Variants in LHFPL5 observed in about 807,000 individuals in gnomAD.
LHFPL5 encodes the protein LHFPL tetraspan subfamily member 5.
A neutral mutation model predicts 18.7 loss-of-function variants in LHFPL5; 12 were observed. The observed-to-expected ratio is 0.64, with a 90% confidence interval of 0.41 to 1.04. The LOEUF (loss-of-function observed/expected upper bound fraction) is 1.04, where lower values mean the gene tolerates loss of function less well. Ranked by LOEUF, LHFPL5 falls within the 50% of genes least tolerant of loss-of-function variation. The pLI is 0.00. For missense variants in LHFPL5, 259 were observed against 292.1 expected, an observed-to-expected ratio of 0.89 and a Z score of 0.83; for synonymous variants, 111 against 120.2, an observed-to-expected ratio of 0.92 and a Z score of 0.50.
chr6:35,818,666 T>C (rs747301457), intron 2 of LHFPL5, among the ~76,000 whole-genome samples: 2 of 150,712 alleles, frequency 1.3e-5, no homozygotes, highest in East Asian at 3.9e-4. Flanking sequence ...TGAATTATAT[T>C]AATTAAAAAA....
chr6:35,808,574 T>C (rs935529940), intron 1 of LHFPL5, among the ~76,000 whole-genome samples: 2,449 of 89,034 alleles, frequency 0.028, 47 homozygotes, highest in African/African-American at 0.084. Flanking sequence ...CATATATATA[T>C]ATATATATAT....
At chr6:35,813,896 A>G (rs1391611517) in intron 1 of LHFPL5, among the ~76,000 whole-genome samples, 1 of 148,506 alleles carries the variant, frequency 6.7e-6, no homozygotes, top group Non-Finnish European at 1.5e-5. Context: ...TGCAGGGTTC[A>G]AGCTACTCTC....
chr6:35,819,121 C>T (rs1313452076), intron 2 of LHFPL5, among the ~76,000 whole-genome samples: 4 of 152,184 alleles, frequency 2.6e-5, no homozygotes, highest in South Asian at 4.1e-4. Flanking sequence ...GTGTGAGCCA[C>T]TGCATCGGGC....
chr6:35,816,632 C>T (rs1390355219), intron 2 of LHFPL5, among the ~76,000 whole-genome samples: 1 of 151,726 alleles, frequency 6.6e-6, no homozygotes. Flanking sequence ...GCCAACATGG[C>T]ACAACCCCAT....
intron 2 of LHFPL5, among the ~76,000 whole-genome samples, chr6:35,818,347 ATGTATTT>A (rs1413955129): frequency 3.9e-4 from 2 of 5,096 alleles, no homozygotes; most frequent in African/African-American, 9.3e-4. Flanking sequence ...ATATATATAT[ATGTATTT>A]TTTTTTTTTT....
chr6:35,815,791 G>A (rs979775773), intron 2 of LHFPL5, among the ~76,000 whole-genome samples: 8 of 152,130 alleles, frequency 5.3e-5, no homozygotes, highest in African/African-American at 1.7e-4. Context: ...GGCCAAGCCC[G>A]GGGCCCACTG....
intron 1 of LHFPL5, among the ~76,000 whole-genome samples, chr6:35,807,884 TA>T (rs1768597260): frequency 6.6e-6 from 1 of 152,188 alleles, no homozygotes; most frequent in Admixed American, 6.5e-5. Context: ...TCTTTACATA[TA>T]ATATCTGGAG....
chr6:35,808,271 C>T (rs902918809), intron 1 of LHFPL5, among the ~76,000 whole-genome samples: 4 of 146,156 alleles, frequency 2.7e-5, no homozygotes, highest in Non-Finnish European at 6.0e-5. Flanking sequence ...CCAGCCTGGA[C>T]AACATAGTGA....
intron 3 of LHFPL5, among the ~76,000 whole-genome samples, chr6:35,820,974 C>T (rs529043691): frequency 2.6e-5 from 4 of 152,274 alleles, no homozygotes; most frequent in African/African-American, 9.6e-5. Flanking sequence ...GATTCTCAAA[C>T]TTCAGCGTGC....
chr6:35,814,761 G>A lies in LHFPL5; in HGVS notation c.628G>A (p.Asp210Asn), dbSNP rs752259968. The change falls in exon 2 of 4, where the codon GAC becomes AAC. Residue 210 changes from aspartate to asparagine, a missense_variant. Asp to Asn is a conservative substitution (Grantham distance 23, BLOSUM62 1). Coordinates refer to ENST00000360215, the MANE Select transcript of LHFPL5 (RefSeq NM_182548.4). The surrounding 1 kb of genome is among the most constrained non-coding windows in gnomAD (Gnocchi z 4.2). ...GYRQDKLLPD[D>N]YKADGTEEV ...CCGGCAGGACAAGCTCCTCCCTGAC[G>A]ACTACAAGGCAGATGGAACCGGTAA... is the stretch of plus-strand genomic sequence containing the variant. The A allele has an allele frequency of 9.3e-6, 15 of 1,613,874 alleles. No homozygotes were observed. The highest frequency in any genetic ancestry group is 3.3e-5 in the Admixed American group (2 of 59,978).
chr6:35,810,037 C>T (rs180977884), intron 1 of LHFPL5, among the ~76,000 whole-genome samples: 12 of 152,290 alleles, frequency 7.9e-5, no homozygotes, highest in East Asian at 1.9e-4. Flanking sequence ...TGAAAATATA[C>T]GATAGATTGC....
Position 35,814,895 on chromosome 6 carries a change from C to T in LHFPL5, c.649+113C>T. 2.1e-6 allele frequency: 2 copies of T among 943,750 alleles called. No homozygotes were observed. Among genetic ancestry groups the T allele is most frequent in the South Asian group, 2.6e-5 (2 of 75,982 alleles). The allele number at this position is 943,750 out of a possible 1,614,324, so 58.5% of individuals were successfully genotyped here. A position where few individuals can be genotyped will look rare whatever the true frequency, so the allele number is the denominator to read the frequency against. On this transcript the variant is annotated intron_variant, in intron 2 of 3. Transcript: ENST00000360215. The surrounding 1 kb of genome is among the most constrained non-coding windows in gnomAD (Gnocchi z 4.2). ...GGTCCCTGGCCAAGGGATGGGGACA[C>T]CAAGACTAATCAGACACACCCCTTG...
At chr6:35,819,221 C>T (rs1036962587) in intron 2 of LHFPL5, among the ~76,000 whole-genome samples, 1 of 152,110 alleles carries the variant, frequency 6.6e-6, no homozygotes, top group Non-Finnish European at 1.5e-5. Context: ...ACTGGAAGTA[C>T]AGTGGTTAAG....
chr6:35,813,907 CT>C (rs1351429313), intron 1 of LHFPL5, among the ~76,000 whole-genome samples: 12 of 151,550 alleles, frequency 7.9e-5, no homozygotes. Flanking sequence ...AGCTACTCTC[CT>C]GCCTCAGCCT....
chr6:35,809,715 G>A (rs1446791023), intron 1 of LHFPL5, among the ~76,000 whole-genome samples: 2 of 152,132 alleles, frequency 1.3e-5, no homozygotes, highest in East Asian at 3.8e-4. Context: ...TGTTGCTCAG[G>A]CTGGTCTGGA....
At chr6:35,819,635 A>G in intron 3 of LHFPL5, 172 bp downstream of exon 3, 2 of 676,928 alleles carry the variant, frequency 3.0e-6, no homozygotes, top group East Asian at 2.7e-5. Flanking sequence ...TTGGCCTCTG[A>G]GACCCTCACT....
chr6:35,821,885 T>TTTTTC (rs1768875001), intron 3 of LHFPL5, among the ~76,000 whole-genome samples: 1 of 128,204 alleles, frequency 7.8e-6, no homozygotes, highest in African/African-American at 3.1e-5. Context: ...TTTTTTTTTT[T>TTTTTC]TTTTTTGAGA....
chr6:35,814,689 A>G lies in LHFPL5; in HGVS notation c.556A>G (p.Ile186Val), dbSNP rs1161698428. 2.5e-6 allele frequency: 4 copies of G among 1,614,008 alleles called. No individual in the cohort carries two copies. Among genetic ancestry groups the G allele is most frequent in the African/African-American group, 1.3e-5 (1 of 74,904 alleles). The change falls in exon 2 of 4, where the codon ATT (isoleucine) becomes GTT (valine). Residue 186 changes from isoleucine to valine, a missense_variant. Transcript: ENST00000360215. This position sits in a 1 kb window ranked among gnomAD's most constrained non-coding sequence, Gnocchi z 4.2. ...RWAFMLAILS[I>V]GDALILSFLA... ...GGCCTTCATGCTGGCCATCCTCAGC[A>G]TTGGCGACGCCCTCATCCTCTCCTT... is the stretch of plus-strand genomic sequence containing the variant.
chr6:35,810,826 CAAAAAAA>C (rs11339201), intron 1 of LHFPL5, among the ~76,000 whole-genome samples: 1 of 87,766 alleles, frequency 1.1e-5, no homozygotes, highest in African/African-American at 4.0e-5. Flanking sequence ...GACTCCGTCT[CAAAAAAA>C]AAAAAAAAAA....
Sources: allele counts gnomAD v4.1 joint callset (sites outside exome capture counted in the v4.1 genomes callset), GRCh38; gene constraint gnomAD v4.1.1; non-coding constraint Gnocchi (gnomAD v3.1); transcripts MANE v1.5; gene names NCBI Gene and HGNC (gene_info 2026-07-23, HGNC 2026-07-21).